The following XPNPEP1 variants were observed in gnomAD, a reference collection of about 807,000 sequenced individuals.
XPNPEP1 encodes the protein xaa-Pro aminopeptidase 1.
Under a neutral mutation model 92.4 loss-of-function variants are expected in XPNPEP1, and 39 were observed. That is an observed-to-expected ratio of 0.42 (90% CI 0.33 to 0.55). The LOEUF (loss-of-function observed/expected upper bound fraction) is 0.55, where lower values mean the gene tolerates loss of function less well. Among genes scored for constraint, XPNPEP1 ranks in the 20% least tolerant of loss-of-function variants. The pLI, the probability that XPNPEP1 is intolerant of heterozygous loss-of-function variation, is 0.08. For missense variants in XPNPEP1, 654 were observed against 856.1 expected, an observed-to-expected ratio of 0.76 and a Z score of 2.95; for synonymous variants, 307 against 299.4, an observed-to-expected ratio of 1.03 and a Z score of -0.26.
intron 2 of XPNPEP1, among the ~76,000 whole-genome samples, chr10:109,913,333 G>C (rs1201779388): frequency 6.6e-6 from 1 of 152,208 alleles, no homozygotes; most frequent in Non-Finnish European, 1.5e-5. Flanking sequence ...CACTGCAGGA[G>C]CTCAAGAAAT....
At chr10:109,905,957 G>T (rs942025131) in intron 3 of XPNPEP1, among the ~76,000 whole-genome samples, 43 of 152,298 alleles carry the variant, frequency 2.8e-4, no homozygotes, top group African/African-American at 1.0e-3. Flanking sequence ...GGAAATCCAT[G>T]TCTCCAGGCA....
intron 4 of XPNPEP1, among the ~76,000 whole-genome samples, chr10:109,892,328 G>A (rs545024921): frequency 3.0e-4 from 45 of 152,226 alleles, no homozygotes; most frequent in African/African-American, 1.0e-3. Context: ...TCTGCCCTCC[G>A]TTCCCACAGG....
At chr10:109,914,904 A>T in intron 2 of XPNPEP1, 107 bp downstream of exon 2, 2 of 564,012 alleles carry the variant, frequency 3.5e-6, no homozygotes, top group Non-Finnish European at 5.7e-6. Context: ...CCCAGTCATG[A>T]TCTGTTACTA....
At chr10:109,888,998 G>T (rs189876320) in intron 5 of XPNPEP1, among the ~76,000 whole-genome samples, 47 of 152,338 alleles carry the variant, frequency 3.1e-4, no homozygotes, top group African/African-American at 1.1e-3. Context: ...TCTGGGAACT[G>T]GGAGACTCCC....
At chr10:109,885,993 G>A (rs1589576467) in intron 8 of XPNPEP1, among the ~76,000 whole-genome samples, 1 of 152,286 alleles carries the variant, frequency 6.6e-6, no homozygotes, top group East Asian at 1.9e-4. Context: ...AGGTGCCATG[G>A]TCCTGAGGGA....
At chr10:109,910,053 T>C (rs900898494) in intron 2 of XPNPEP1, among the ~76,000 whole-genome samples, 1 of 152,244 alleles carries the variant, frequency 6.6e-6, no homozygotes, top group Admixed American at 6.5e-5. Flanking sequence ...TCCACCATTA[T>C]AGTATCACAC....
chr10:109,865,358 T>G, intron 20 of XPNPEP1, 46 bp from the exon 21 acceptor site: 13 of 1,611,840 alleles, frequency 8.1e-6, no homozygotes, highest in Non-Finnish European at 1.1e-5. Flanking sequence ...ACTACATCTT[T>G]AACAACTGGC....
At chr10:109,895,184 G>C (rs1478572024) in intron 3 of XPNPEP1, among the ~76,000 whole-genome samples, 1 of 152,224 alleles carries the variant, frequency 6.6e-6, no homozygotes, top group Non-Finnish European at 1.5e-5. Flanking sequence ...TACACAGTGA[G>C]GGCACTCTCC....
intron 3 of XPNPEP1, among the ~76,000 whole-genome samples, chr10:109,904,887 G>T (rs1326476126): frequency 6.6e-6 from 1 of 152,184 alleles, no homozygotes; most frequent in Non-Finnish European, 1.5e-5. Context: ...AGGATCATAT[G>T]ATCTGGCAAT....
At chr10:109,873,141 G>A (rs552434060) in intron 16 of XPNPEP1, among the ~76,000 whole-genome samples, 25 of 152,290 alleles carry the variant, frequency 1.6e-4, no homozygotes, top group Middle Eastern at 3.4e-3. Context: ...ACTTACACCT[G>A]AGCTGCCCTA....
At chr10:109,897,275 A>C (rs988271552) in intron 3 of XPNPEP1, among the ~76,000 whole-genome samples, 5 of 152,172 alleles carry the variant, frequency 3.3e-5, no homozygotes, top group Admixed American at 6.5e-5. Context: ...TACAAAAAAA[A>C]AAAAAGCTAG....
chr10:109,912,341 G>A (rs1455814606), intron 2 of XPNPEP1, among the ~76,000 whole-genome samples: 1 of 152,218 alleles, frequency 6.6e-6, no homozygotes, highest in Non-Finnish European at 1.5e-5. Flanking sequence ...CCAATAGTTA[G>A]GATGTGGTAA....
intron 8 of XPNPEP1, 135 bp from the exon 9 acceptor site, chr10:109,884,283 G>GT: frequency 1.3e-6 from 1 of 783,910 alleles, no homozygotes; most frequent in East Asian, 2.8e-5. Context: ...AGAAAGGCTG[G>GT]AAGCCTGACT....
intron 1 of XPNPEP1, among the ~76,000 whole-genome samples, chr10:109,915,633 A>G (rs972801776): frequency 6.6e-6 from 1 of 152,152 alleles, no homozygotes; most frequent in Admixed American, 6.5e-5. Flanking sequence ...TATCTTCAAT[A>G]GAGGCTATTT....
At chr10:109,871,139 A>C in intron 17 of XPNPEP1, 1 of 410,326 alleles carries the variant, frequency 2.4e-6, no homozygotes. Flanking sequence ...GGGGATAGAC[A>C]CCTACAGCAC....
At chr10:109,920,623 A>G (rs1850487171) in intron 1 of XPNPEP1, among the ~76,000 whole-genome samples, 1 of 152,098 alleles carries the variant, frequency 6.6e-6, no homozygotes, top group African/African-American at 2.4e-5. Context: ...GGCAGCCTCA[A>G]ACTCCTAAGC....
intron 9 of XPNPEP1, among the ~76,000 whole-genome samples, chr10:109,882,994 G>A (rs1848189413): frequency 6.6e-6 from 1 of 152,090 alleles, no homozygotes; most frequent in South Asian, 2.1e-4. Context: ...CTCTCACTTG[G>A]GTTAGTGCCA....
chr10:109,918,878 A>G (rs7086644), intron 1 of XPNPEP1, among the ~76,000 whole-genome samples: 2,087 of 104,662 alleles, frequency 0.02, 70 homozygotes, highest in African/African-American at 0.076. Context: ...GAAGGAAGGA[A>G]GGAAGGAAGG....
At chr10:109,866,231 G>A (rs113080244) in intron 20 of XPNPEP1, among the ~76,000 whole-genome samples, 171 of 152,312 alleles carry the variant, frequency 1.1e-3, no homozygotes, top group African/African-American at 4.0e-3. Flanking sequence ...AATCCAGCCA[G>A]GTACCAAAGC....
Sources: allele counts gnomAD v4.1 joint callset (sites outside exome capture counted in the v4.1 genomes callset), GRCh38; gene constraint gnomAD v4.1.1; transcripts MANE v1.5; gene names NCBI Gene and HGNC (gene_info 2026-07-23, HGNC 2026-07-21).